Variants in ASAP2 observed in about 807,000 individuals in gnomAD.
ASAP2 encodes the protein arf-GAP with SH3 domain, ANK repeat and PH domain-containing protein 2.
ASAP2 carries 45 observed loss-of-function variants against 131.4 expected under a neutral mutation model. The ratio of observed to expected loss-of-function variants is 0.34; its 90% CI spans 0.27 to 0.44. The LOEUF (loss-of-function observed/expected upper bound fraction) is 0.44, where lower values mean the gene tolerates loss of function less well. Ranked by LOEUF, ASAP2 falls within the 20% of genes least tolerant of loss-of-function variation. ASAP2 has a pLI of 1.00. For synonymous variants in ASAP2, 510 were observed against 503.0 expected (o/e 1.01, Z -0.19); for missense variants, 1,011 against 1,297.0 (o/e 0.78, Z 3.39).
intron 11 of ASAP2, among the ~76,000 whole-genome samples, chr2:9,347,434 GA>G (rs1407954041): frequency 6.6e-6 from 1 of 152,100 alleles, no homozygotes; most frequent in Non-Finnish European, 1.5e-5. Context: ...TTACAGTCAG[GA>G]AAAAAGGGCA....
chr2:9,225,933 C>G (rs927565110), intron 1 of ASAP2, among the ~76,000 whole-genome samples: 1 of 152,198 alleles, frequency 6.6e-6, no homozygotes, highest in Non-Finnish European at 1.5e-5. Context: ...TTTCATAGAG[C>G]AACTGCTCCA....
At chr2:9,300,845 GT>G (rs1243252594) in intron 3 of ASAP2, among the ~76,000 whole-genome samples, 1 of 152,180 alleles carries the variant, frequency 6.6e-6, no homozygotes, top group Non-Finnish European at 1.5e-5. Flanking sequence ...AAGGGTTCAA[GT>G]TTCAACTTGC....
chr2:9,235,775 T>C (rs1558254564), intron 1 of ASAP2, among the ~76,000 whole-genome samples: 1 of 152,132 alleles, frequency 6.6e-6, no homozygotes, highest in African/African-American at 2.4e-5. Context: ...CAGGCTGCTG[T>C]TGTTTTAGAT....
At chr2:9,229,354 G>A (rs1662995440) in intron 1 of ASAP2, among the ~76,000 whole-genome samples, 1 of 152,010 alleles carries the variant, frequency 6.6e-6, no homozygotes, top group African/African-American at 2.4e-5. Flanking sequence ...CCCCACCTCT[G>A]TTGTCTTCAC....
intron 1 of ASAP2, among the ~76,000 whole-genome samples, chr2:9,225,257 G>A (rs899827151): frequency 4.6e-5 from 7 of 152,116 alleles, no homozygotes; most frequent in Non-Finnish European, 8.8e-5. Context: ...CTCTGAGTGA[G>A]TGTGGGTAGA....
chr2:9,321,336 T>G (rs1670135134), intron 5 of ASAP2, among the ~76,000 whole-genome samples: 2 of 152,198 alleles, frequency 1.3e-5, no homozygotes, highest in Admixed American at 1.3e-4. Flanking sequence ...TACCCGAGGT[T>G]GCTTGGCCCC....
chr2:9,222,706 C>G lies in ASAP2; in HGVS notation c.126+15476C>G, dbSNP rs1341043625. Among the ~76,000 whole-genome samples, 3 of 152,266 alleles carry G rather than the reference C, an allele frequency of 2.0e-5. No homozygotes were observed. The East Asian group carries it at 5.8e-4, about 29-fold the overall frequency. Reference sequence around the variant, plus strand: ...TGGTCGCAGCCTGCCAGGTTGCATACTTTTGATTTGGAAGAGGTGCCGGTG... The same window carrying G: ...TGGTCGCAGCCTGCCAGGTTGCATAGTTTTGATTTGGAAGAGGTGCCGGTG... On this transcript the variant is annotated intron_variant, in intron 1 of 27. Transcript: ENST00000281419.
At chr2:9,271,714 A>C (rs1046369176) in intron 1 of ASAP2, 10 of 465,500 alleles carry the variant, frequency 2.1e-5, no homozygotes, top group African/African-American at 2.0e-4. Flanking sequence ...GACGGGGCCC[A>C]AGGGGGAGGC....
intron 1 of ASAP2, among the ~76,000 whole-genome samples, chr2:9,256,162 CAAAAAA>C (rs71389235): frequency 5.8e-5 from 5 of 86,834 alleles, no homozygotes; most frequent in South Asian, 3.7e-4. Context: ...GGGTCCCCTG[CAAAAAA>C]AAAAAAAAAA....
chr2:9,216,930 A>G (rs911527179), intron 1 of ASAP2, among the ~76,000 whole-genome samples: 1 of 152,034 alleles, frequency 6.6e-6, no homozygotes, highest in African/African-American at 2.4e-5. Flanking sequence ...TTTATGGGGC[A>G]CTTATTATGT....
intron 11 of ASAP2, among the ~76,000 whole-genome samples, chr2:9,349,672 C>T (rs1278647871): frequency 6.6e-6 from 1 of 152,188 alleles, no homozygotes; most frequent in Admixed American, 6.5e-5. Flanking sequence ...TCTAGTACAA[C>T]CCTGTTTATC....
chr2:9,273,409 C>T (rs1395589112), intron 1 of ASAP2, among the ~76,000 whole-genome samples: 1 of 152,216 alleles, frequency 6.6e-6, no homozygotes, highest in Non-Finnish European at 1.5e-5. Flanking sequence ...TGCAACTTTA[C>T]TGAATTTATC....
intron 18 of ASAP2, among the ~76,000 whole-genome samples, chr2:9,378,731 G>C (rs1674595612): frequency 6.6e-6 from 1 of 152,226 alleles, no homozygotes; most frequent in South Asian, 2.1e-4. Context: ...CCATCATCGT[G>C]TTATTTCCCT....
intron 11 of ASAP2, among the ~76,000 whole-genome samples, chr2:9,348,897 G>A (rs1165220747): frequency 1.3e-5 from 2 of 152,120 alleles, no homozygotes; most frequent in South Asian, 2.1e-4. Flanking sequence ...GCAAGCAACC[G>A]CCTTCCATGG....
intron 7 of ASAP2, among the ~76,000 whole-genome samples, chr2:9,330,786 T>G (rs1173667537): frequency 6.6e-6 from 1 of 152,220 alleles, no homozygotes; most frequent in African/African-American, 2.4e-5. Flanking sequence ...CCCCTTTATT[T>G]TGCCCAAACC....
At chr2:9,382,068 C>T (rs2148747681) in intron 20 of ASAP2, among the ~76,000 whole-genome samples, 1 of 150,534 alleles carries the variant, frequency 6.6e-6, no homozygotes, top group South Asian at 2.1e-4. Flanking sequence ...ACTGCAACCT[C>T]CGCCTCCCAG....
At chr2:9,354,655 A>AG (rs1166416877) in intron 12 of ASAP2, among the ~76,000 whole-genome samples, 1 of 152,020 alleles carries the variant, frequency 6.6e-6, no homozygotes, top group African/African-American at 2.4e-5. Context: ...CAAAAAAAAA[A>AG]AAAAAAGAAA....
intron 1 of ASAP2, among the ~76,000 whole-genome samples, chr2:9,253,648 AT>A (rs1424664070): frequency 6.6e-6 from 1 of 152,164 alleles, no homozygotes; most frequent in East Asian, 1.9e-4. Context: ...AGAATTCCGT[AT>A]AAATGGAATG....
At chr2:9,240,016 G>A (rs937539682) in intron 1 of ASAP2, among the ~76,000 whole-genome samples, 20 of 152,054 alleles carry the variant, frequency 1.3e-4, no homozygotes, top group African/African-American at 4.1e-4. Context: ...CTTTTGGGGT[G>A]GTTTATGGAA....
Sources: allele counts gnomAD v4.1 joint callset (sites outside exome capture counted in the v4.1 genomes callset), GRCh38; gene constraint gnomAD v4.1.1; transcripts MANE v1.5; gene names NCBI Gene and HGNC (gene_info 2026-07-23, HGNC 2026-07-21).